Variants in MCPH1 observed in about 807,000 individuals in gnomAD.
The protein encoded by MCPH1 is microcephalin.
Under a neutral mutation model 84.5 loss-of-function variants are expected in MCPH1, and 104 were observed. The observed-to-expected ratio is 1.23, with a 90% CI of 1.05 to 1.45. The LOEUF (loss-of-function observed/expected upper bound fraction) is 1.45, where lower values mean the gene tolerates loss of function less well. Among genes scored for constraint, MCPH1 ranks in the 40% most tolerant of loss-of-function variants. The pLI, the probability that MCPH1 is intolerant of heterozygous loss-of-function variation, is 0.00. For missense variants in MCPH1, 1,498 were observed against 1,005.7 expected (o/e 1.49, Z -6.62); for synonymous variants, 514 against 366.8 (o/e 1.40, Z -4.58).
At chr8:6,630,366 A>G (rs1420406265) in intron 13 of MCPH1, among the ~76,000 whole-genome samples, 1 of 152,254 alleles carries the variant, frequency 6.6e-6, no homozygotes, top group Non-Finnish European at 1.5e-5. Context: ...ATGATGAACA[A>G]TTTAATACCA....
Position 6,500,496 on chromosome 8 carries a change from T to C in MCPH1, c.2214+567T>C, listed in dbSNP as rs574284860. 4.1e-4 allele frequency: 63 copies of C among 154,608 alleles called. 2 individuals carry two copies. The South Asian group carries it at 0.012, about 31-fold the overall frequency. The allele number at this position is 154,608 out of a possible 1,614,324, so 9.6% of individuals were successfully genotyped here. A position where few individuals can be genotyped will look rare whatever the true frequency, so the allele number is the denominator to read the frequency against. ...AAAAATGTTAATTTGTTTGTCACAG[T>C]TTATTCATTCAAAAGATTAATAGCT... is the stretch of plus-strand genomic sequence containing the variant. On this transcript the variant is annotated intron_variant, in intron 12 of 13. Transcript: ENST00000344683.
Position 6,424,451 on chromosome 8 carries a change from G to C in MCPH1, c.234-7048G>C, listed in dbSNP as rs994795592. On this transcript the variant is annotated intron_variant, in intron 3 of 13. Transcript: ENST00000344683. ...CAGGCCGACATTAGGGGCTTACCAC[G>C]GCTCCTTTCCTCCCGGAATCCTCAG... is the stretch of plus-strand genomic sequence containing the variant. Among the ~76,000 whole-genome samples the C allele has an allele frequency of 3.9e-5, 6 of 152,056 alleles. No homozygotes were observed. The East Asian group carries it at 1.2e-3, about 29-fold the overall frequency.
intron 12 of MCPH1, among the ~76,000 whole-genome samples, chr8:6,517,713 AT>A (rs773280085): frequency 2.4e-3 from 371 of 152,286 alleles, no homozygotes; most frequent in Non-Finnish European, 3.8e-3. Flanking sequence ...GGCTGAGGGT[AT>A]CATTGTTCTG....
chr8:6,450,637 A>G (rs760316081), intron 8 of MCPH1, among the ~76,000 whole-genome samples: 7 of 151,776 alleles, frequency 4.6e-5, no homozygotes, highest in Admixed American at 2.0e-4. Flanking sequence ...CATTATGCTG[A>G]TTAACAAGCT....
At chr8:6,544,465 T>G (rs1822176563) in intron 12 of MCPH1, among the ~76,000 whole-genome samples, 1 of 152,210 alleles carries the variant, frequency 6.6e-6, no homozygotes, top group South Asian at 2.1e-4. Flanking sequence ...AGAGAGTATT[T>G]TACTACAAAA....
At chr8:6,548,197 G>A (rs994458383) in intron 12 of MCPH1, among the ~76,000 whole-genome samples, 1 of 152,040 alleles carries the variant, frequency 6.6e-6, no homozygotes, top group South Asian at 2.1e-4. Context: ...GGCACGCTTT[G>A]ACTTTAGAAG....
At chr8:6,529,495 A>G (rs144267769) in intron 12 of MCPH1, among the ~76,000 whole-genome samples, 1,629 of 145,860 alleles carry the variant, frequency 0.011, 29 homozygotes, top group African/African-American at 0.04. Context: ...TCTGTTGCCC[A>G]GGCTGCAGTG....
chr8:6,563,976 CTTTT>C (rs11358428), intron 12 of MCPH1, among the ~76,000 whole-genome samples: 18 of 85,408 alleles, frequency 2.1e-4, no homozygotes, highest in East Asian at 9.8e-4. Context: ...GGAATACAAA[CTTTT>C]TTTTTTTTTT....
chr8:6,483,549 T>A (rs1809488489), intron 11 of MCPH1, among the ~76,000 whole-genome samples: 1 of 152,112 alleles, frequency 6.6e-6, no homozygotes, highest in African/African-American at 2.4e-5. Context: ...GGCAATTCAG[T>A]GGAGAAATTC....
At chr8:6,582,873 G>A (rs576203682) in intron 12 of MCPH1, among the ~76,000 whole-genome samples, 3 of 152,222 alleles carry the variant, frequency 2.0e-5, no homozygotes, top group East Asian at 1.9e-4. Flanking sequence ...CACAAGTGTC[G>A]CAGCTTTTCA....
intron 12 of MCPH1, chr8:6,513,683 A>G: frequency 6.2e-7 from 1 of 1,609,234 alleles, no homozygotes; most frequent in Non-Finnish European, 8.5e-7. Context: ...CTTACCTATA[A>G]TTGAGTTCTT....
chr8:6,552,442 AT>A, intron 12 of MCPH1, among the ~76,000 whole-genome samples: 1 of 152,190 alleles, frequency 6.6e-6, no homozygotes, highest in East Asian at 1.9e-4. Flanking sequence ...TCGAAAAGGA[AT>A]TCATTATCTT....
rs900300085 is a variant in MCPH1, at chr8:6,418,111, T to C, written c.233+3228T>C. Among the ~76,000 whole-genome samples the C allele has an allele frequency of 1.3e-5, 2 of 152,084 alleles. 1 individual carries two copies. Among genetic ancestry groups the C allele is most frequent in the African/African-American group, 4.8e-5 (2 of 41,416 alleles). On this transcript the variant is annotated intron_variant, in intron 3 of 13. Coordinates refer to ENST00000344683, the MANE Select transcript of MCPH1 (RefSeq NM_024596.5). ...GAACTTCTATACTCAGAATTTGGGG[T>C]TTCTCCTATGGTTCTCTTACTTCCT...
At chr8:6,461,803 A>G (rs1806327965) in intron 9 of MCPH1, among the ~76,000 whole-genome samples, 1 of 152,244 alleles carries the variant, frequency 6.6e-6, no homozygotes, top group Admixed American at 6.5e-5. Flanking sequence ...TACTTGTTGA[A>G]TATTGTCAGA....
At chr8:6,419,518 G>C (rs938040212) in intron 3 of MCPH1, among the ~76,000 whole-genome samples, 3 of 150,414 alleles carry the variant, frequency 2.0e-5, no homozygotes, top group Non-Finnish European at 4.4e-5. Flanking sequence ...TCAGCCTCCC[G>C]AGTAGCTGGG....
chr8:6,621,660 A>C lies in MCPH1; in HGVS notation c.2421A>C (p.Thr807=), dbSNP rs984625614. The change falls in exon 13 of 14, where the codon ACA becomes ACC. Residue 807 remains threonine, a synonymous_variant. Coordinates refer to ENST00000344683, the MANE Select transcript of MCPH1 (RefSeq NM_024596.5). ...IGPYSGKKKA[T]VKYLSEKWVL... is the part of the protein sequence containing the mutation. ...CCTACAGCGGAAAGAAGAAAGCCAC[A>C]GTCAAGTATCTGTCTGAGAAATGGG... 2 of 1,614,110 alleles carry C rather than the reference A, an allele frequency of 1.2e-6. No individual in the cohort carries two copies. Among genetic ancestry groups the C allele is most frequent in the South Asian group, 1.1e-5 (1 of 91,094 alleles).
intron 12 of MCPH1, among the ~76,000 whole-genome samples, chr8:6,613,456 G>A (rs1187364485): frequency 6.6e-6 from 1 of 152,054 alleles, no homozygotes; most frequent in East Asian, 1.9e-4. Flanking sequence ...CGGGGGGGTG[G>A]TGGGCTGTGT....
At chr8:6,523,481 G>C (rs972953488) in intron 12 of MCPH1, among the ~76,000 whole-genome samples, 9 of 152,210 alleles carry the variant, frequency 5.9e-5, no homozygotes, top group Non-Finnish European at 1.2e-4. Context: ...CATTAAGCCA[G>C]AGGAAACAAA....
intron 9 of MCPH1, among the ~76,000 whole-genome samples, chr8:6,459,970 G>T (rs561177768): frequency 6.6e-6 from 1 of 152,368 alleles, no homozygotes; most frequent in African/African-American, 2.4e-5. Context: ...GCTGACTTCA[G>T]CCACGGCCAC....
Sources: gnomAD v4.1 joint callset for allele counts (sites outside exome capture counted in the v4.1 genomes callset) on GRCh38, gnomAD v4.1.1 for gene constraint, MANE v1.5 for transcripts, NCBI Gene and HGNC (gene_info 2026-07-23, HGNC 2026-07-21) for gene names.